Variants in NOX4 observed in about 807,000 individuals in gnomAD.
The protein encoded by NOX4 is NADPH oxidase 4.
NOX4 carries 69 observed loss-of-function variants against 87.6 expected under a neutral mutation model. The observed-to-expected ratio is 0.79, with a 90% confidence interval of 0.65 to 0.96. The LOEUF (loss-of-function observed/expected upper bound fraction) is 0.96, where lower values mean the gene tolerates loss of function less well. Ranked by LOEUF, NOX4 falls within the 40% of genes least tolerant of loss-of-function variation. The pLI is 0.00. For synonymous variants in NOX4, 275 were observed against 238.2 expected, an observed-to-expected ratio of 1.15 and a Z score of -1.42; for missense variants, 680 against 681.5, an observed-to-expected ratio of 1.00 and a Z score of 0.02.
intron 11 of NOX4, among the ~76,000 whole-genome samples, chr11:89,397,269 A>G (rs527522885): frequency 2.0e-5 from 3 of 152,196 alleles, no homozygotes; most frequent in Non-Finnish European, 4.4e-5. Flanking sequence ...TTTGAAACCA[A>G]TGAGAACAAA....
intron 4 of NOX4, among the ~76,000 whole-genome samples, chr11:89,446,985 T>A (rs1191039826): frequency 6.6e-6 from 1 of 152,070 alleles, no homozygotes; most frequent in African/African-American, 2.4e-5. Flanking sequence ...ACAAATGATA[T>A]ACAAAAACTC....
chr11:89,560,495 G>A, the NOX4 span, among the ~76,000 whole-genome samples: 2 of 152,036 alleles, frequency 1.3e-5, no homozygotes, highest in African/African-American at 4.8e-5. Flanking sequence ...GGATTAAGGA[G>A]TACTTAGAGA....
chr11:89,552,062 T>C, the NOX4 span, among the ~76,000 whole-genome samples: 2 of 152,332 alleles, frequency 1.3e-5, no homozygotes, highest in South Asian at 4.1e-4. Flanking sequence ...GAGTAACGCA[T>C]TCTACTTTTC....
intron 11 of NOX4, among the ~76,000 whole-genome samples, chr11:89,392,839 T>A (rs1372441590): frequency 1.3e-5 from 2 of 152,106 alleles, no homozygotes; most frequent in Non-Finnish European, 2.9e-5. Context: ...AGGATTCAAG[T>A]TGAGTAAGCA....
At chr11:89,551,836 G>C in the NOX4 span, among the ~76,000 whole-genome samples, 1 of 152,010 alleles carries the variant, frequency 6.6e-6, no homozygotes, top group African/African-American at 2.4e-5. Flanking sequence ...ATGTTGAATA[G>C]AAGTGGTAAG....
In NOX4 at chr11:89,418,584, C is replaced by G. The variant is rs529797597; in HGVS notation, c.629+3318G>C. Among the ~76,000 whole-genome samples the G allele has an allele frequency of 5.3e-5, 8 of 151,674 alleles. No homozygotes were observed. In the South Asian group the frequency reaches 1.7e-3, roughly 31 times the overall value. Reference sequence around the variant, plus strand: ...TTCAGAAAATTGAGATCTGAAATATCACAACGTGAGAAACAGATGAATAGA... The same window carrying G: ...TTCAGAAAATTGAGATCTGAAATATGACAACGTGAGAAACAGATGAATAGA... On this transcript the variant is annotated intron_variant, in intron 8 of 17. Coordinates refer to ENST00000263317, the MANE Select transcript of NOX4 (RefSeq NM_016931.5).
the NOX4 span, among the ~76,000 whole-genome samples, chr11:89,561,015 T>TATATATTATATATATATATATATACAC: frequency 2.2e-4 from 18 of 80,508 alleles, no homozygotes; most frequent in African/African-American, 1.1e-3. Flanking sequence ...TATATATATA[T>TATATATTATATATATATATATATACAC]ATATACATAC....
intron 11 of NOX4, among the ~76,000 whole-genome samples, chr11:89,378,394 T>C (rs953929597): frequency 6.6e-6 from 1 of 152,164 alleles, no homozygotes; most frequent in African/African-American, 2.4e-5. Flanking sequence ...CATAAAGATA[T>C]CCTAATTTTT....
At chr11:89,438,882 A>T (rs1308712033) in intron 6 of NOX4, among the ~76,000 whole-genome samples, 12 of 51,676 alleles carry the variant, frequency 2.3e-4, no homozygotes, top group East Asian at 6.8e-4. Context: ...TATAATATAT[A>T]ATATATTATA....
chr11:89,349,730 T>C (rs1227378527), intron 13 of NOX4, among the ~76,000 whole-genome samples: 1 of 152,104 alleles, frequency 6.6e-6, no homozygotes, highest in African/African-American at 2.4e-5. Context: ...GTAGAAACAG[T>C]TTATTCTTGT....
chr11:89,373,290 A>AC lies in NOX4; in HGVS notation c.1135+141_1135+142insG, dbSNP rs1395392857. On this transcript the variant is annotated intron_variant, in intron 12 of 17. Coordinates refer to ENST00000263317, the MANE Select transcript of NOX4 (RefSeq NM_016931.5). ...AAACTGTACAAGCAAAAAAAAAAAA[A>AC]AAAAAAAACAAAAAAAAACCCAGAA... 51 of 479,242 alleles carry AC rather than the reference A, an allele frequency of 1.1e-4. No homozygotes were observed. In the Admixed American group the frequency reaches 1.8e-3, roughly 17 times the overall value. 29.7% of individuals were successfully genotyped at this position (479,242 alleles called of 1,614,324 possible).
At chr11:89,557,901 G>C in the NOX4 span, among the ~76,000 whole-genome samples, 4 of 152,156 alleles carry the variant, frequency 2.6e-5, no homozygotes, top group African/African-American at 7.2e-5. Context: ...AATCCAACTT[G>C]ATAGTGGTGT....
At chr11:89,572,311 A>T in the NOX4 span, among the ~76,000 whole-genome samples, 1 of 152,246 alleles carries the variant, frequency 6.6e-6, no homozygotes, top group Non-Finnish European at 1.5e-5. Flanking sequence ...TTCTGTATAT[A>T]CATGAGCATT....
chr11:89,461,283 A>C (rs1312352278), intron 2 of NOX4, among the ~76,000 whole-genome samples: 2 of 152,060 alleles, frequency 1.3e-5, no homozygotes. Context: ...CGTTGTGTAC[A>C]TGTACCCTAA....
intron 2 of NOX4, among the ~76,000 whole-genome samples, chr11:89,477,511 G>A (rs984943894): frequency 6.6e-6 from 1 of 152,152 alleles, no homozygotes; most frequent in South Asian, 2.1e-4. Flanking sequence ...TGGGGACTGG[G>A]GACCGCTGAA....
At chr11:89,371,073 C>T (rs187311847) in intron 12 of NOX4, among the ~76,000 whole-genome samples, 112 of 152,064 alleles carry the variant, frequency 7.4e-4, no homozygotes, top group East Asian at 4.1e-3. Flanking sequence ...CTCTTAATAC[C>T]GAGTTTTAAT....
chr11:89,381,785 C>A (rs1400621321), intron 11 of NOX4, among the ~76,000 whole-genome samples: 1 of 152,198 alleles, frequency 6.6e-6, no homozygotes, highest in Non-Finnish European at 1.5e-5. Flanking sequence ...CTCAGACCAA[C>A]CAGCCCAAGG....
the NOX4 span, among the ~76,000 whole-genome samples, chr11:89,508,726 G>A: frequency 6.6e-6 from 1 of 152,064 alleles, no homozygotes; most frequent in Non-Finnish European, 1.5e-5. Context: ...GGCCAGGCCT[G>A]TTCTCAATGC....
upstream of NOX4, among the ~76,000 whole-genome samples, chr11:89,493,428 T>G (rs954099514): frequency 2.0e-5 from 3 of 151,406 alleles, no homozygotes; most frequent in South Asian, 6.3e-4. Flanking sequence ...CTAAAAGAGA[T>G]GAAGAAATTT....
Sources: gnomAD v4.1 joint callset for allele counts (sites outside exome capture counted in the v4.1 genomes callset) on GRCh38, gnomAD v4.1.1 for gene constraint, MANE v1.5 for transcripts, NCBI Gene and HGNC (gene_info 2026-07-23, HGNC 2026-07-21) for gene names.